The following NSDHL variants were observed in gnomAD, a reference collection of about 807,000 sequenced individuals.
The protein encoded by NSDHL is sterol-4-alpha-carboxylate 3-dehydrogenase, decarboxylating.
In NSDHL, 1 loss-of-function variant was observed where a neutral mutation model predicts 23.0. The observed-to-expected ratio is 0.04, with a 90% CI of 0.02 to 0.21. The LOEUF (loss-of-function observed/expected upper bound fraction) is 0.21, where lower values mean the gene tolerates loss of function less well. Ranked by LOEUF, NSDHL falls within the 10% of genes least tolerant of loss-of-function variation. NSDHL has a pLI of 1.00. For missense variants in NSDHL, 237 were observed against 300.9 expected (o/e 0.79, Z 1.57); for synonymous variants, 128 against 121.1 (o/e 1.06, Z -0.37).
At chrX:152,865,707 G>A (rs1470707843) in intron 5 of NSDHL, 112 bp from the exon 6 acceptor site, 5 of 948,818 alleles carry the variant, frequency 5.3e-6, no homozygotes, top group Admixed American at 4.4e-5. Context: ...TGCCAGCAGA[G>A]TGTGTCATCT....
At chrX:152,831,375 C>T (rs1556843398) in intron 1 of NSDHL, among the ~76,000 whole-genome samples, 1 of 110,974 alleles carries the variant, frequency 9.0e-6, no homozygotes, top group Non-Finnish European at 1.9e-5. Flanking sequence ...ACGGCTGGGA[C>T]CTAGGAACTG....
At chrX:152,860,580 G>A (rs1041832163) in intron 4 of NSDHL, among the ~76,000 whole-genome samples, 15 of 111,196 alleles carry the variant, frequency 1.3e-4, no homozygotes, top group African/African-American at 4.9e-4. Flanking sequence ...AGGTGTGGTG[G>A]TATGCACCTG....
intron 3 of NSDHL, 40 bp downstream of exon 3, chrX:152,850,463 A>G: frequency 8.7e-7 from 1 of 1,154,496 alleles, no homozygotes; most frequent in African/African-American, 1.8e-5. Context: ...CCACGAGCCC[A>G]CGAAGGGAAA....
In NSDHL at chrX:152,865,570, C is replaced by A. The variant is rs192779824; in HGVS notation, c.544-249C>A. Among the ~76,000 whole-genome samples the A allele has an allele frequency of 1.6e-3, 176 of 112,881 alleles. 1 individual carries two copies. Among genetic ancestry groups the A allele is most frequent in the African/African-American group, 5.2e-3 (162 of 31,121 alleles). On this transcript the variant is annotated intron_variant, in intron 5 of 7. Coordinates refer to ENST00000370274, the MANE Select transcript of NSDHL (RefSeq NM_015922.3). ...TCTGATTTGATCTTACCAGTTTTTG[C>A]CCAGCTGTCTGTCCTGCATTTTCAG...
chrX:152,832,861 T>C (rs1239535750), intron 1 of NSDHL, among the ~76,000 whole-genome samples: 12 of 111,848 alleles, frequency 1.1e-4, no homozygotes. Context: ...GGCCTGATGT[T>C]GAGCAGGTCT....
intron 3 of NSDHL, among the ~76,000 whole-genome samples, chrX:152,853,128 C>CGTGGGTGT (rs782538187): frequency 1.0e-5 from 1 of 97,138 alleles, no homozygotes; most frequent in African/African-American, 3.8e-5. Context: ...CTCTCAGGCA[C>CGTGGGTGT]GTGTGTGTGT....
intron 3 of NSDHL, among the ~76,000 whole-genome samples, chrX:152,853,535 A>G (rs1022208275): frequency 1.3e-4 from 14 of 111,666 alleles, no homozygotes; most frequent in African/African-American, 4.2e-4. Flanking sequence ...CTTAATGGAT[A>G]AATCAGATCA....
Position 152,854,867 on chromosome X carries a change from A to T in NSDHL, c.268-3903A>T, listed in dbSNP as rs782136738. On this transcript the variant is annotated intron_variant, in intron 3 of 7. Coordinates refer to ENST00000370274, the MANE Select transcript of NSDHL (RefSeq NM_015922.3). Reference sequence around the variant, plus strand: ...AGACCCCCCCCATTTCTTTTTTTTTAAAAATGTGTTTTTATAGTCAGTAGA... The same window carrying T: ...AGACCCCCCCCATTTCTTTTTTTTTTAAAATGTGTTTTTATAGTCAGTAGA... Among the ~76,000 whole-genome samples, 208 of 108,972 alleles carry T rather than the reference A, an allele frequency of 1.9e-3. 1 individual carries two copies. Among genetic ancestry groups the T allele is most frequent in the African/African-American group, 6.2e-3 (185 of 29,619 alleles). The allele number at this position is 108,972 out of a possible 115,157, so 94.6% of individuals were successfully genotyped here.
At chrX:152,847,965 C>T (rs1372417238) in intron 2 of NSDHL, among the ~76,000 whole-genome samples, 3 of 109,512 alleles carry the variant, frequency 2.7e-5, no homozygotes, top group African/African-American at 1.0e-4. Context: ...CGGATTCAAG[C>T]AATTCTCCCT....
At chrX:152,849,399 A>T (rs782820057) in intron 2 of NSDHL, among the ~76,000 whole-genome samples, 1 of 111,945 alleles carries the variant, frequency 8.9e-6, no homozygotes, top group South Asian at 3.7e-4. Flanking sequence ...CTCCTCACAG[A>T]CACCCATAGC....
intron 3 of NSDHL, among the ~76,000 whole-genome samples, chrX:152,851,628 G>A (rs1472487087): frequency 9.1e-6 from 1 of 110,474 alleles, no homozygotes; most frequent in Non-Finnish European, 1.9e-5. Flanking sequence ...CATCTTTCAT[G>A]CTCATCATTG....
intron 1 of NSDHL, chrX:152,831,723 G>C (rs1243664394): frequency 3.6e-5 from 4 of 111,505 alleles, no homozygotes; most frequent in African/African-American, 1.3e-4. Flanking sequence ...AATTAAAAGG[G>C]AGCGTGTGCA....
chrX:152,837,109 G>A (rs1394804447), intron 1 of NSDHL, among the ~76,000 whole-genome samples: 1 of 111,886 alleles, frequency 8.9e-6, no homozygotes, highest in Non-Finnish European at 1.9e-5. Context: ...CTGTTTGTCT[G>A]CTATTGGTGT....
At chrX:152,842,980 G>A (rs781880470) in intron 1 of NSDHL, among the ~76,000 whole-genome samples, 1 of 111,718 alleles carries the variant, frequency 9.0e-6, no homozygotes, top group South Asian at 3.7e-4. Flanking sequence ...TCATTTGCGC[G>A]GCTAGCTCTG....
At chrX:152,844,149 G>A (rs1294428617) in intron 1 of NSDHL, among the ~76,000 whole-genome samples, 1 of 112,176 alleles carries the variant, frequency 8.9e-6, no homozygotes, top group Non-Finnish European at 1.9e-5. Context: ...TGCCTTGAAT[G>A]GCGTGTTGAC....
chrX:152,845,579 C>T (rs782204267), intron 1 of NSDHL, among the ~76,000 whole-genome samples: 6 of 111,661 alleles, frequency 5.4e-5, no homozygotes, highest in South Asian at 3.8e-4. Context: ...GCAACGTTGT[C>T]GGATTTTATT....
chrX:152,836,731 T>A (rs1311719692), intron 1 of NSDHL, among the ~76,000 whole-genome samples: 1 of 112,137 alleles, frequency 8.9e-6, no homozygotes, highest in African/African-American at 3.2e-5. Flanking sequence ...CGAAGTCAAG[T>A]AGTATGATGC....
At chrX:152,853,949 C>G (rs1556846642) in intron 3 of NSDHL, among the ~76,000 whole-genome samples, 1 of 112,403 alleles carries the variant, frequency 8.9e-6, no homozygotes, top group African/African-American at 3.2e-5. Context: ...ACATGATTGA[C>G]CATGAGCGGA....
chrX:152,865,766 G>C lies in NSDHL; in HGVS notation c.544-53G>C. The C allele has an allele frequency of 2.5e-6, 3 of 1,205,497 alleles. No homozygotes were observed. The South Asian group carries it at 5.3e-5, about 21-fold the overall frequency. ...TCTCACCCAGCGAGGCACTCTCTTGGCTTGGGCCTAGGAATTTGCAATGGA... is the reference window on the plus strand; with the variant it reads ...TCTCACCCAGCGAGGCACTCTCTTGCCTTGGGCCTAGGAATTTGCAATGGA... On this transcript the variant is annotated intron_variant, in intron 5 of 7. Coordinates refer to ENST00000370274, the MANE Select transcript of NSDHL (RefSeq NM_015922.3).
Sources: allele counts gnomAD v4.1 joint callset (sites outside exome capture counted in the v4.1 genomes callset), GRCh38; gene constraint gnomAD v4.1.1; transcripts MANE v1.5; gene names NCBI Gene and HGNC (gene_info 2026-07-23, HGNC 2026-07-21).